The following ABCA6 variants were observed in gnomAD, a reference collection of about 807,000 sequenced individuals.
The protein encoded by ABCA6 is ATP-binding cassette sub-family A member 6.
Under a neutral mutation model 191.2 loss-of-function variants are expected in ABCA6, and 164 were observed. The observed-to-expected ratio is 0.86, with a 90% confidence interval of 0.76 to 0.98. ABCA6 has a LOEUF of 0.98. ABCA6 is among the 50% of genes least tolerant of loss of function. ABCA6 has a pLI of 0.00. For synonymous variants in ABCA6, 636 were observed against 647.7 expected (o/e 0.98, Z 0.27); for missense variants, 1,958 against 1,894.1 (o/e 1.03, Z -0.63).
intron 23 of ABCA6, among the ~76,000 whole-genome samples, chr17:69,097,130 C>A (rs972303769): frequency 6.6e-6 from 1 of 152,152 alleles, no homozygotes; most frequent in South Asian, 2.1e-4. Flanking sequence ...TGGTGGCTCA[C>A]GCCTGTAATC....
chr17:69,112,288 T>C lies in ABCA6; in HGVS notation c.2042-15A>G, dbSNP rs1399767969. ...CACTTTTCTATCTGAATGAAAGAAA[T>C]CAAGGGAGAAAAGATATTGGGGGTC... On this transcript the variant is annotated splice_polypyrimidine_tract_variant and intron_variant, in intron 15 of 38. Transcript: ENST00000284425. 6.3e-7 allele frequency: 1 copy of C among 1,589,868 alleles called. No individual in the cohort carries two copies. The highest frequency in any genetic ancestry group is 8.6e-7 in the Non-Finnish European group (1 of 1,159,570).
chr17:69,137,198 A>G, intron 3 of ABCA6, 98 bp downstream of exon 3: 4 of 1,149,276 alleles, frequency 3.5e-6, no homozygotes, highest in African/African-American at 3.1e-5. Context: ...AGTTATTAGC[A>G]TAATATATGA....
At chr17:69,137,851 G>A (rs1269377489) in intron 2 of ABCA6, among the ~76,000 whole-genome samples, 1 of 152,078 alleles carries the variant, frequency 6.6e-6, no homozygotes. Context: ...GTTTATGGTG[G>A]CAAATAGCAA....
chr17:69,107,325 C>T (rs1177328906), intron 18 of ABCA6, among the ~76,000 whole-genome samples: 1 of 152,120 alleles, frequency 6.6e-6, no homozygotes, highest in Non-Finnish European at 1.5e-5. Context: ...ACTGAGAATT[C>T]TCCCCACTAA....
At chr17:69,089,054 G>A (rs1432878682) in intron 27 of ABCA6, among the ~76,000 whole-genome samples, 1 of 152,196 alleles carries the variant, frequency 6.6e-6, no homozygotes, top group Non-Finnish European at 1.5e-5. Flanking sequence ...ACCTAGAAAA[G>A]TACTGACACA....
chr17:69,093,325 C>T (rs372673191), intron 25 of ABCA6, among the ~76,000 whole-genome samples: 18 of 152,236 alleles, frequency 1.2e-4, no homozygotes, highest in East Asian at 7.7e-4. Context: ...CCCCCACCTC[C>T]GCCGAAGTTA....
At chr17:69,105,887 A>T in intron 19 of ABCA6, 141 bp downstream of exon 19, 1 of 930,716 alleles carries the variant, frequency 1.1e-6, no homozygotes, top group Non-Finnish European at 1.6e-6. Context: ...AGGTATTCCC[A>T]CTGTCAGAAA....
chr17:69,128,447 T>G (rs549311686), intron 8 of ABCA6, among the ~76,000 whole-genome samples, 172 bp downstream of exon 8: 1 of 152,014 alleles, frequency 6.6e-6, no homozygotes, highest in Admixed American at 6.6e-5. Context: ...AATTTAAGTT[T>G]CTTTGTGAGG....
chr17:69,134,692 A>C lies in ABCA6; in HGVS notation c.511T>G (p.Trp171Gly). 6.2e-7 allele frequency: 1 copy of C among 1,613,846 alleles called. No individual in the cohort carries two copies. The highest frequency in any genetic ancestry group is 8.5e-7 in the Non-Finnish European group (1 of 1,179,908). ...TGTAAAGCCACAAATCCTCTATTCC[A>C]GTATTTGGTCAATGTACATGAAAAC... ...GEFSCTLTKY[W>G]NRGFVALQTA... Residue 171 changes from tryptophan (W) to glycine (G), a missense_variant, in exon 5 of 39, where the codon TGG becomes GGG. Transcript: ENST00000284425.
chr17:69,083,342 CA>C lies in ABCA6; in HGVS notation c.4356-12del, dbSNP rs34865180. ...GCCTGGATTGCCTGCCTGCAGTGAG[CA>C]AAAAAATTAACAGTATTTAAAATAA... On this transcript the variant is annotated splice_polypyrimidine_tract_variant and intron_variant, in intron 34 of 38. Coordinates refer to ENST00000284425, the MANE Select transcript of ABCA6 (RefSeq NM_080284.3). 3.9e-6 allele frequency: 6 copies of C among 1,548,446 alleles called. No individual in the cohort carries two copies. Among genetic ancestry groups the C allele is most frequent in the Admixed American group, 4.6e-5 (2 of 43,668 alleles).
At position 69,083,237 on chromosome 17, in the gene ABCA6, C is replaced by T. The variant is rs201717023; in HGVS notation, c.4450G>A (p.Ala1484Thr). The change falls in exon 35 of 39, where the codon GCC (alanine) becomes ACC (threonine). Residue 1484 changes from alanine (A) to threonine (T), a missense_variant. By Grantham distance (58) the Ala-to-Thr change is moderately conservative (BLOSUM62 0). Transcript: ENST00000284425. ...CTAAGCCTTCCAGACACCATGATGG[C>T]CACACGGTCACACAAGGCTTCCGCC... Reference protein sequence around the residue: ...AEAEALCDRVAIMVSGRLRCI... With the variant: ...AEAEALCDRVTIMVSGRLRCI... 23 of 1,606,676 alleles carry T rather than the reference C, an allele frequency of 1.4e-5. No homozygotes were observed. Among genetic ancestry groups the T allele is most frequent in the Non-Finnish European group, 1.9e-5 (22 of 1,177,862 alleles).
chr17:69,088,303 A>G (rs746483988), intron 27 of ABCA6, 45 bp from the exon 28 acceptor site: 6 of 1,388,988 alleles, frequency 4.3e-6, no homozygotes, highest in Non-Finnish European at 5.9e-6. Flanking sequence ...AAGTTCACAA[A>G]TATTATTTAA....
chr17:69,087,257 TC>T, intron 29 of ABCA6, 95 bp downstream of exon 29: 2 of 1,505,710 alleles, frequency 1.3e-6, no homozygotes, highest in Non-Finnish European at 1.8e-6. Flanking sequence ...TGCACCAAAC[TC>T]CAAACTCTCA....
chr17:69,090,529 G>A (rs566985194), intron 26 of ABCA6, among the ~76,000 whole-genome samples: 32 of 152,272 alleles, frequency 2.1e-4, no homozygotes, highest in African/African-American at 7.0e-4. Flanking sequence ...CACCAGCTGT[G>A]CCTTGTGTGT....
intron 4 of ABCA6, chr17:69,135,462 T>G (rs2073933379): frequency 6.6e-6 from 1 of 152,608 alleles, no homozygotes; most frequent in Non-Finnish European, 1.5e-5. Flanking sequence ...TGGCTATTCC[T>G]TGCCTAGGTT....
chr17:69,105,621 C>T lies in ABCA6; in HGVS notation c.2581G>A (p.Val861Ile), dbSNP rs2073283026. 4.1e-6 allele frequency: 6 copies of T among 1,478,942 alleles called. No individual in the cohort carries two copies. The highest frequency in any genetic ancestry group is 4.7e-6 in the Non-Finnish European group (5 of 1,074,640). 91.6% of individuals were successfully genotyped at this position (1,478,942 alleles called of 1,614,324 possible). Residue 861 changes from valine (V) to isoleucine (I), a missense_variant, in exon 20 of 39, where the codon GTA becomes ATA. Val to Ile is a conservative substitution (Grantham distance 29). Transcript: ENST00000284425. ...QTKVLLTLLL[V>I]FGIAIFPLIV... ...AAAGGGAATATTGCGATTCCAAATA[C>T]CAATAATCTAAACAATAAAGAAAAA...
chr17:69,082,958 C>G lies in ABCA6; in HGVS notation c.4531G>C (p.Glu1511Gln). Residue 1511 changes from glutamate to glutamine, a missense_variant, in exon 36 of 39, where the codon GAG (glutamate) becomes CAG (glutamine). By Grantham distance (29) the Glu-to-Gln change is conservative (BLOSUM62 2). Transcript: ENST00000284425. ...KNKLGKDYIL[E>Q]LKVKETSQVT... The stretch of plus-strand genomic sequence containing the variant: ...TGAGACGTTTCCTTCACTTTTAGCT[C>G]TAGAATGTAATCCTTGCCAAGTTTG... The G allele has an allele frequency of 6.2e-7, 1 of 1,614,174 alleles. No homozygotes were observed. The highest frequency in any genetic ancestry group is 1.7e-5 in the Admixed American group (1 of 60,022).
chr17:69,120,618 G>C (rs182693160), intron 10 of ABCA6, among the ~76,000 whole-genome samples: 1 of 152,158 alleles, frequency 6.6e-6, no homozygotes, highest in Admixed American at 6.6e-5. Flanking sequence ...GTCTCACCAG[G>C]TATTTTATTT....
At chr17:69,090,784 A>G (rs2072906004) in intron 26 of ABCA6, among the ~76,000 whole-genome samples, 1 of 152,202 alleles carries the variant, frequency 6.6e-6, no homozygotes, top group Admixed American at 6.6e-5. Context: ...TTACCTGTCA[A>G]ACCAAGCACA....
Sources: gnomAD v4.1 joint callset for allele counts (sites outside exome capture counted in the v4.1 genomes callset) on GRCh38, gnomAD v4.1.1 for gene constraint, MANE v1.5 for transcripts, NCBI Gene and HGNC (gene_info 2026-07-23, HGNC 2026-07-21) for gene names.